GOLGB1: variants seen among roughly 807,000 people sequenced by gnomAD.
GOLGB1 encodes the protein golgin B1, also known as golgin subfamily B member 1.
A neutral mutation model predicts 336.9 loss-of-function variants in GOLGB1; 174 were observed. That is an observed-to-expected ratio of 0.52 (90% confidence interval 0.46 to 0.59). The LOEUF is 0.59. GOLGB1 is among the 20% of genes least tolerant of loss of function. The pLI is 0.00. For missense variants in GOLGB1, 3,331 were observed against 3,645.3 expected, an observed-to-expected ratio of 0.91 and a Z score of 2.22; for synonymous variants, 1,208 against 1,289.2, an observed-to-expected ratio of 0.94 and a Z score of 1.35.
intron 17 of GOLGB1, among the ~76,000 whole-genome samples, chr3:121,671,613 C>T (rs1939546519): frequency 6.6e-6 from 1 of 152,100 alleles, no homozygotes. Flanking sequence ...ATATCCATCA[C>T]CTTAAGTATT....
In GOLGB1 at chr3:121,668,086, C is replaced by T. The variant is rs1938899706; in HGVS notation, c.9394G>A (p.Glu3132Lys). ...CTTTGCTGCGGTTCCCTTAGTTCCT[C>T]AGGGTCACTCTTTCTGTGAACTCCA... ...KNGVHRKSDP[E>K]ELREPQQSFS... is the part of the protein sequence containing the mutation. Residue 3132 changes from glutamate to lysine, a missense_variant, in exon 19 of 22, where the codon GAG (glutamate) becomes AAG (lysine). By Grantham distance (56) the Glu-to-Lys change is moderately conservative. Transcript: ENST00000614479. The T allele has an allele frequency of 6.2e-7, 1 of 1,604,140 alleles. No homozygotes were observed. The highest frequency in any genetic ancestry group is 2.2e-5 in the East Asian group (1 of 44,704).
intron 5 of GOLGB1, among the ~76,000 whole-genome samples, chr3:121,724,851 C>A (rs1945459556): frequency 6.6e-6 from 1 of 152,196 alleles, no homozygotes; most frequent in Non-Finnish European, 1.5e-5. Context: ...CTGCTCTGTG[C>A]CACTTCAGGA....
chr3:121,747,814 C>T (rs1401682793), intron 1 of GOLGB1, among the ~76,000 whole-genome samples: 1 of 151,490 alleles, frequency 6.6e-6, no homozygotes, highest in Non-Finnish European at 1.5e-5. Context: ...ACTTTTTTTA[C>T]ATTGTATCCT....
chr3:121,741,798 T>A (rs996248573), intron 1 of GOLGB1, among the ~76,000 whole-genome samples: 2 of 152,132 alleles, frequency 1.3e-5, no homozygotes, highest in Non-Finnish European at 2.9e-5. Flanking sequence ...TGAGAAGCAA[T>A]GAATATCTCT....
At chr3:121,689,648 TAAA>T (rs60317103) in intron 14 of GOLGB1, among the ~76,000 whole-genome samples, 7 of 138,464 alleles carry the variant, frequency 5.1e-5, no homozygotes, top group Non-Finnish European at 4.7e-5. Flanking sequence ...AATGATCAAT[TAAA>T]AAAAAAAAAA....
Position 121,664,581 on chromosome 3 carries a change from G to A in GOLGB1, c.9694C>T (p.Arg3232Cys), listed in dbSNP as rs543383996. The A allele has an allele frequency of 1.2e-5, 20 of 1,613,626 alleles. No individual in the cohort carries two copies. Among genetic ancestry groups the A allele is most frequent in the South Asian group, 5.5e-5 (5 of 91,076 alleles). Residue 3232 changes from arginine to cysteine, a missense_variant, in exon 22 of 22, where the codon CGT becomes TGT. Coordinates refer to ENST00000614479, the MANE Select transcript of GOLGB1 (RefSeq NM_001366282.2). ...CGGGTCCGTGAATGACAGAGTGAAC[G>A]CAGGACTCGCTTCCATCCAACGCCA... ...RSGVGWKRVLRSLCHSRTRVP... is the reference protein window; with the variant it reads ...RSGVGWKRVLCSLCHSRTRVP...
chr3:121,668,038 G>A (rs1438407438), intron 19 of GOLGB1, 23 bp downstream of exon 19: 22 of 1,313,484 alleles, frequency 1.7e-5, no homozygotes, highest in Non-Finnish European at 2.4e-5. Context: ...TATGCTCCAG[G>A]GTTTAGAGAG....
intron 8 of GOLGB1, among the ~76,000 whole-genome samples, 200 bp downstream of exon 8, chr3:121,718,188 A>C (rs193020701): frequency 1.1e-4 from 16 of 152,352 alleles, no homozygotes; most frequent in Admixed American, 4.6e-4. Context: ...TGTATGCTCC[A>C]TGAGGGAAAG....
intron 7 of GOLGB1, among the ~76,000 whole-genome samples, 188 bp from the exon 8 acceptor site, chr3:121,718,689 C>T (rs1234585725): frequency 6.6e-6 from 1 of 152,166 alleles, no homozygotes; most frequent in African/African-American, 2.4e-5. Context: ...AAAATGTCTT[C>T]TCCAGAGCAC....
Position 121,694,611 on chromosome 3 carries a change from C to T in GOLGB1, c.5912G>A (p.Ser1971Asn). Residue 1971 changes from serine to asparagine, a missense_variant, in exon 13 of 22, where the codon AGT becomes AAT. Coordinates refer to ENST00000614479, the MANE Select transcript of GOLGB1 (RefSeq NM_001366282.2). ...CTGCTGCTTTTCTTCTTCCAATTCACTCACACACTTTTTAAGGTTCTTCAT... is the reference window on the plus strand; with the variant it reads ...CTGCTGCTTTTCTTCTTCCAATTCATTCACACACTTTTTAAGGTTCTTCAT... ...SEMKNLKKCV[S>N]ELEEEKQQLV... The T allele has an allele frequency of 1.2e-6, 2 of 1,612,246 alleles. No individual in the cohort carries two copies. Among genetic ancestry groups the T allele is most frequent in the Non-Finnish European group, 8.5e-7 (1 of 1,179,984 alleles).
intron 10 of GOLGB1, among the ~76,000 whole-genome samples, chr3:121,709,923 G>T (rs1381116543): frequency 6.6e-6 from 1 of 151,826 alleles, no homozygotes; most frequent in Non-Finnish European, 1.5e-5. Flanking sequence ...GACTGATGAA[G>T]AAAATGAAGC....
In GOLGB1 at chr3:121,693,888, T is replaced by C; in HGVS notation, c.6635A>G (p.Glu2212Gly). Reference sequence around the variant, plus strand: ...AAACTTCCTCTCCCATTTCTTAGCTTCATCTATCACCCTGTCACGATCATC... The same window carrying C: ...AAACTTCCTCTCCCATTTCTTAGCTCCATCTATCACCCTGTCACGATCATC... ...LQDDRDRVID[E>G]AKKWERKFSD... Residue 2212 changes from glutamate (E) to glycine (G), a missense_variant, in exon 13 of 22, where the codon GAA becomes GGA. Coordinates refer to ENST00000614479, the MANE Select transcript of GOLGB1 (RefSeq NM_001366282.2). 6.2e-7 allele frequency: 1 copy of C among 1,614,134 alleles called. No homozygotes were observed. The highest frequency in any genetic ancestry group is 8.5e-7 in the Non-Finnish European group (1 of 1,179,944).
intron 11 of GOLGB1, 111 bp from the exon 12 acceptor site, chr3:121,699,996 C>G: frequency 1.6e-6 from 1 of 638,472 alleles, no homozygotes. Context: ...AAAAAATAAA[C>G]AAAATAGCTT....
rs1396010831 is a variant in GOLGB1 at position 121,697,030 on chromosome 3, G to A, written c.3493C>T (p.Pro1165Ser). The change falls in exon 13 of 22, where the codon CCA becomes TCA. Residue 1165 changes from proline to serine, a missense_variant. Pro to Ser is a moderately conservative substitution (Grantham distance 74, BLOSUM62 -1). Coordinates refer to ENST00000614479, the MANE Select transcript of GOLGB1 (RefSeq NM_001366282.2). ...PCTGSSEHWKPELEEKILALE... is the reference protein window; with the variant it reads ...PCTGSSEHWKSELEEKILALE... ...GCCAGTATCTTTTCTTCTAGTTCTG[G>A]TTTCCAGTGTTCACTACTACCTGTA... 1.2e-6 allele frequency: 2 copies of A among 1,613,814 alleles called. No individual in the cohort carries two copies. Among genetic ancestry groups the A allele is most frequent in the Non-Finnish European group, 1.7e-6 (2 of 1,179,946 alleles).
intron 10 of GOLGB1, among the ~76,000 whole-genome samples, chr3:121,712,650 G>A (rs1944441197): frequency 1.3e-5 from 2 of 152,106 alleles, no homozygotes; most frequent in South Asian, 4.1e-4. Flanking sequence ...GAAATGATGT[G>A]AACAGACACT....
At chr3:121,690,165 C>CT (rs957004307) in intron 14 of GOLGB1, among the ~76,000 whole-genome samples, 15 of 152,088 alleles carry the variant, frequency 9.9e-5, no homozygotes, top group African/African-American at 3.4e-4. Context: ...TTTTACGTCA[C>CT]TTTTTTTTAT....
At chr3:121,670,514 T>C (rs987021645) in intron 17 of GOLGB1, among the ~76,000 whole-genome samples, 1 of 151,962 alleles carries the variant, frequency 6.6e-6, no homozygotes, top group African/African-American at 2.4e-5. Context: ...AGATGTAGGG[T>C]TGTTTTTTGT....
chr3:121,703,263 T>G (rs567168693), intron 10 of GOLGB1, among the ~76,000 whole-genome samples: 7 of 152,232 alleles, frequency 4.6e-5, no homozygotes, highest in Non-Finnish European at 1.0e-4. Flanking sequence ...ACAGCATATT[T>G]GACCCCGAAA....
chr3:121,723,820 C>T lies in GOLGB1; in HGVS notation c.532-1442G>A, dbSNP rs545538568. On this transcript the variant is annotated intron_variant, in intron 5 of 21. Coordinates refer to ENST00000614479, the MANE Select transcript of GOLGB1 (RefSeq NM_001366282.2). ...AGGAAGTCTGTTAAGAAAAGCTTTC[C>T]TGAATCAAGCCTCCTTCCAAATAGA... is the stretch of plus-strand genomic sequence containing the variant. 6.6e-5 allele frequency among the ~76,000 whole-genome samples: 10 copies of T among 152,262 alleles called. No homozygotes were observed. The East Asian group carries it at 1.9e-3, about 29-fold the overall frequency.
Sources: allele counts gnomAD v4.1 joint callset (sites outside exome capture counted in the v4.1 genomes callset), GRCh38; gene constraint gnomAD v4.1.1; transcripts MANE v1.5; gene names NCBI Gene and HGNC (gene_info 2026-07-23, HGNC 2026-07-21).